Variants in ZNF124 observed in about 807,000 individuals in gnomAD.
The protein encoded by ZNF124 is zinc finger protein HZF-16.
A neutral mutation model predicts 26.6 loss-of-function variants in ZNF124; 25 were observed. The observed-to-expected ratio is 0.94, with a 90% CI of 0.68 to 1.31. ZNF124 has a LOEUF of 1.31. Ranked by LOEUF, ZNF124 falls within the 40% of genes most tolerant of loss-of-function variation. The pLI, the probability that ZNF124 is intolerant of heterozygous loss-of-function variation, is 0.00. For missense variants in ZNF124, 444 were observed against 422.2 expected, an observed-to-expected ratio of 1.05 and a Z score of -0.45; for synonymous variants, 129 against 133.3, an observed-to-expected ratio of 0.97 and a Z score of 0.22.
rs376943027 is a variant in ZNF124 at position 247,159,089 on chromosome 1, T to C, written c.158-23A>G. The C allele has an allele frequency of 6.3e-6, 10 of 1,595,858 alleles. No individual in the cohort carries two copies. In the African/African-American group the frequency reaches 9.5e-5, roughly 15 times the overall value. On this transcript the variant is annotated intron_variant, in intron 2 of 3. Coordinates refer to ENST00000543802, the MANE Select transcript of ZNF124 (RefSeq NM_001297568.2). ...TTCCTAAAATGTAGACCCAGAAATA[T>C]ATTACAAATTATTTGAAATTATAGA... is the stretch of plus-strand genomic sequence containing the variant.
chr1:247,139,393 A>G (rs1204992861), intron 3 of ZNF124, among the ~76,000 whole-genome samples: 1 of 152,188 alleles, frequency 6.6e-6, no homozygotes, highest in Non-Finnish European at 1.5e-5. Context: ...TTTTGATCCT[A>G]GGTCACTGCA....
chr1:247,165,959 T>C (rs544799747), intron 1 of ZNF124, among the ~76,000 whole-genome samples: 2 of 152,236 alleles, frequency 1.3e-5, no homozygotes, highest in African/African-American at 4.8e-5. Flanking sequence ...AGGAGGATTA[T>C]TTCAGTCCAG....
At chr1:247,145,886 G>A (rs1266596198) in intron 3 of ZNF124, among the ~76,000 whole-genome samples, 4 of 152,152 alleles carry the variant, frequency 2.6e-5, no homozygotes, top group Non-Finnish European at 5.9e-5. Context: ...GCCTCCCAAA[G>A]TGCTGGGATT....
rs114192537 is a variant in ZNF124, at chr1:247,132,975, G to A, written c.219-9104C>T. Among the ~76,000 whole-genome samples the A allele has an allele frequency of 3.9e-3, 594 of 152,258 alleles. 5 individuals are homozygous for A. The highest frequency in any genetic ancestry group is 0.013 in the African/African-American group (548 of 41,546). On this transcript the variant is annotated intron_variant, in intron 3 of 3. Coordinates refer to the ZNF124 transcript ENST00000472531. ...ATAAAGCTCCTTCCCTCTTTAACCC[G>A]GTGTCTGAGGAGTTTTGTCTGTGGC... is the stretch of plus-strand genomic sequence containing the variant.
downstream of ZNF124, among the ~76,000 whole-genome samples, chr1:247,152,601 C>A (rs954792682): frequency 1.3e-5 from 2 of 152,028 alleles, no homozygotes; most frequent in Non-Finnish European, 2.9e-5. Context: ...AAATCATTGT[C>A]ATTGTAATTA....
chr1:247,165,291 A>G (rs1022868996), intron 1 of ZNF124, among the ~76,000 whole-genome samples: 4 of 152,178 alleles, frequency 2.6e-5, no homozygotes, highest in Admixed American at 6.5e-5. Context: ...GACAAAATCA[A>G]CAAAAACAAA....
intron 3 of ZNF124, among the ~76,000 whole-genome samples, chr1:247,132,326 A>G (rs550309688): frequency 6.6e-6 from 1 of 152,314 alleles, no homozygotes; most frequent in South Asian, 2.1e-4. Context: ...ACTCACAAAG[A>G]TGAGAAAGAA....
chr1:247,149,066 A>C (rs1359415718), intron 3 of ZNF124, among the ~76,000 whole-genome samples: 1 of 152,222 alleles, frequency 6.6e-6, no homozygotes, highest in Non-Finnish European at 1.5e-5. Context: ...ATCTTTATTA[A>C]ATTGTCCAGG....
intron 3 of ZNF124, among the ~76,000 whole-genome samples, chr1:247,134,807 A>C (rs1220394251): frequency 6.6e-6 from 1 of 152,240 alleles, no homozygotes; most frequent in Non-Finnish European, 1.5e-5. Context: ...CATTCTTCTC[A>C]GTGCCACATG....
chr1:247,158,249 C>CAAACA (rs200196025), intron 3 of ZNF124, among the ~76,000 whole-genome samples: 205 of 152,028 alleles, frequency 1.3e-3, no homozygotes, highest in African/African-American at 4.2e-3. Context: ...GACTCCATCT[C>CAAACA]AAACAAAACA....
chr1:247,125,430 CTTTTTTTTTTTTTTTTT>C (rs71566695), intron 3 of ZNF124, among the ~76,000 whole-genome samples: 6 of 43,306 alleles, frequency 1.4e-4, no homozygotes, highest in Admixed American at 3.1e-4. Flanking sequence ...CTGTTTTTGT[CTTTTTTTTTTTTTTTTT>C]TTTTTTTTTT....
At chr1:247,166,780 T>C (rs1369486966) in intron 1 of ZNF124, among the ~76,000 whole-genome samples, 1 of 152,170 alleles carries the variant, frequency 6.6e-6, no homozygotes, top group Non-Finnish European at 1.5e-5. Flanking sequence ...AACCCCTAAA[T>C]TGGACAGACA....
chr1:247,159,592 G>A, intron 2 of ZNF124, 95 bp downstream of exon 2: 1 of 1,352,640 alleles, frequency 7.4e-7, no homozygotes. Context: ...TCATCAAAGT[G>A]TTCCCTTTGT....
At chr1:247,136,295 CAA>C (rs1267220309) in intron 3 of ZNF124, among the ~76,000 whole-genome samples, 16 of 152,204 alleles carry the variant, frequency 1.1e-4, no homozygotes, top group Non-Finnish European at 1.8e-4. Flanking sequence ...GCAACTTCAG[CAA>C]AGTCTCAGGA....
At chr1:247,166,694 T>C (rs143285857) in intron 1 of ZNF124, among the ~76,000 whole-genome samples, 1 of 152,286 alleles carries the variant, frequency 6.6e-6, no homozygotes, top group East Asian at 1.9e-4. Context: ...AAACACACAG[T>C]GTACCAAGAA....
chr1:247,149,063 T>C (rs576923554), intron 3 of ZNF124, among the ~76,000 whole-genome samples: 1 of 152,312 alleles, frequency 6.6e-6, no homozygotes, highest in East Asian at 1.9e-4. Context: ...ATAATCTTTA[T>C]TAAATTGTCC....
At chr1:247,164,707 G>C (rs2103132505) in intron 1 of ZNF124, among the ~76,000 whole-genome samples, 1 of 152,258 alleles carries the variant, frequency 6.6e-6, no homozygotes, top group Non-Finnish European at 1.5e-5. Context: ...AAGCAATTTA[G>C]ATTCAATGCT....
chr1:247,148,158 G>A (rs1672835012), intron 3 of ZNF124, among the ~76,000 whole-genome samples: 2 of 152,168 alleles, frequency 1.3e-5, no homozygotes, highest in Admixed American at 1.3e-4. Flanking sequence ...ATGAACATAT[G>A]AGCACATTTA....
At chr1:247,134,915 A>G (rs1459777219) in intron 3 of ZNF124, among the ~76,000 whole-genome samples, 2 of 152,220 alleles carry the variant, frequency 1.3e-5, no homozygotes, top group African/African-American at 4.8e-5. Context: ...CCACAGTGCA[A>G]TCAAATTAGA....
Sources: gnomAD v4.1 joint callset for allele counts (sites outside exome capture counted in the v4.1 genomes callset) on GRCh38, gnomAD v4.1.1 for gene constraint, MANE v1.5 for transcripts, NCBI Gene and HGNC (gene_info 2026-07-23, HGNC 2026-07-21) for gene names.